SLC25A21: variants seen among roughly 807,000 people sequenced by gnomAD.
SLC25A21 encodes solute carrier family 25 member 21, also known as mitochondrial 2-oxodicarboxylate carrier.
SLC25A21 carries 47 observed loss-of-function variants against 43.8 expected under a neutral mutation model. The observed-to-expected ratio is 1.07, with a 90% confidence interval of 0.85 to 1.37. SLC25A21 has a LOEUF of 1.37. Among genes scored for constraint, SLC25A21 ranks in the 40% most tolerant of loss-of-function variants. SLC25A21 has a pLI of 0.00. For synonymous variants in SLC25A21, 131 were observed against 121.3 expected (o/e 1.08, Z -0.52); for missense variants, 352 against 350.2 (o/e 1.00, Z -0.04).
intron 1 of SLC25A21, among the ~76,000 whole-genome samples, chr14:36,902,392 A>T (rs73252902): frequency 0.015 from 2,312 of 152,114 alleles, 65 homozygotes; most frequent in African/African-American, 0.052. Context: ...TCTGGTGGCT[A>T]GTGTCTCAAC....
chr14:37,100,194 T>C lies in SLC25A21; in HGVS notation c.70+72087A>G, dbSNP rs1962790321. On this transcript the variant is annotated intron_variant, in intron 1 of 9. Transcript: ENST00000331299. ...CAGCCTCAGCCTCCTGAGTAGCTGG[T>C]ACTACAGGCATGCACCATCACACCC... 3.3e-5 allele frequency among the ~76,000 whole-genome samples: 5 copies of C among 152,018 alleles called. 1 individual carries two copies. The South Asian group carries it at 1.0e-3, about 32-fold the overall frequency.
intron 1 of SLC25A21, 134 bp downstream of exon 1, chr14:37,172,147 G>A (rs1341128336): frequency 1.1e-6 from 1 of 923,584 alleles, no homozygotes; most frequent in Non-Finnish European, 1.6e-6. Context: ...AGGGGCTCAA[G>A]CACTGCTCCG....
At chr14:36,784,517 A>C (rs848112) in intron 3 of SLC25A21, among the ~76,000 whole-genome samples, 68,042 of 151,974 alleles carry the variant, frequency 0.45, 15,620 homozygotes, top group African/African-American at 0.54. Flanking sequence ...TAAGGCTAAC[A>C]ATAATCTCTC....
chr14:37,136,759 T>C (rs541789988), intron 1 of SLC25A21, among the ~76,000 whole-genome samples: 21 of 152,186 alleles, frequency 1.4e-4, no homozygotes, highest in African/African-American at 5.1e-4. Context: ...CAAAAAGACA[T>C]GGGAAACCAT....
intron 1 of SLC25A21, among the ~76,000 whole-genome samples, chr14:36,918,340 C>T (rs1891887646): frequency 6.6e-6 from 1 of 152,154 alleles, no homozygotes; most frequent in African/African-American, 2.4e-5. Context: ...TGATCAAGGG[C>T]TGGTGTATGG....
In SLC25A21 at chr14:36,731,338, T is replaced by G. The variant is rs11846976; in HGVS notation, c.271-1772A>C. On this transcript the variant is annotated intron_variant, in intron 4 of 9. Coordinates refer to ENST00000331299, the MANE Select transcript of SLC25A21 (RefSeq NM_030631.4). The stretch of plus-strand genomic sequence containing the variant: ...TTTGACAGTCACCTTGCTGGCATTT[T>G]GAAATGAGCAGTCCTAGAGCTGAAT... Among the ~76,000 whole-genome samples the G allele has an allele frequency of 8.9e-3, 1,363 of 152,314 alleles. 18 individuals are homozygous for G. The highest frequency in any genetic ancestry group is 0.031 in the African/African-American group (1,283 of 41,572).
intron 1 of SLC25A21, among the ~76,000 whole-genome samples, chr14:36,938,502 G>A (rs548093120): frequency 2.0e-5 from 3 of 152,132 alleles, no homozygotes; most frequent in South Asian, 2.1e-4. Flanking sequence ...TCTGTGTTAC[G>A]GCCTTCTAAG....
At chr14:37,063,915 C>G (rs1465080072) in intron 1 of SLC25A21, among the ~76,000 whole-genome samples, 3 of 152,196 alleles carry the variant, frequency 2.0e-5, no homozygotes, top group African/African-American at 7.2e-5. Flanking sequence ...ACCACCACCC[C>G]TTGTGCCATT....
chr14:36,785,191 G>A (rs1003669027), intron 3 of SLC25A21, among the ~76,000 whole-genome samples: 2 of 152,126 alleles, frequency 1.3e-5, no homozygotes, highest in Admixed American at 1.3e-4. Context: ...TTTCTCTCTG[G>A]CACACAGGTG....
intron 6 of SLC25A21, among the ~76,000 whole-genome samples, chr14:36,720,380 T>G (rs1884326088): frequency 6.6e-6 from 1 of 152,190 alleles, no homozygotes. Context: ...ATATGCTGTG[T>G]AGGACACCAT....
intron 1 of SLC25A21, among the ~76,000 whole-genome samples, chr14:37,054,325 G>A (rs1961773256): frequency 6.6e-6 from 1 of 152,156 alleles, no homozygotes; most frequent in Non-Finnish European, 1.5e-5. Flanking sequence ...CACAGTCAAT[G>A]CCATATGAAG....
intron 6 of SLC25A21, among the ~76,000 whole-genome samples, chr14:36,718,367 G>A (rs1028848109): frequency 4.6e-5 from 7 of 152,144 alleles, no homozygotes; most frequent in African/African-American, 1.4e-4. Context: ...CTGAATTGTT[G>A]CCAGACAGTG....
At chr14:36,846,152 T>A (rs564996231) in intron 2 of SLC25A21, among the ~76,000 whole-genome samples, 2 of 152,318 alleles carry the variant, frequency 1.3e-5, no homozygotes, top group African/African-American at 4.8e-5. Flanking sequence ...TAGTGAACTT[T>A]CTAGAAGGAA....
intron 1 of SLC25A21, among the ~76,000 whole-genome samples, chr14:36,984,832 G>A (rs966361786): frequency 3.3e-5 from 5 of 152,054 alleles, no homozygotes; most frequent in South Asian, 4.1e-4. Context: ...CTGGGTATAT[G>A]CCCAAAGGAC....
At chr14:36,885,015 G>A (rs115127126) in intron 1 of SLC25A21, among the ~76,000 whole-genome samples, 3,142 of 152,116 alleles carry the variant, frequency 0.021, 110 homozygotes, top group African/African-American at 0.071. Context: ...TGCTGCCTGC[G>A]CTTTTGGGGA....
intron 1 of SLC25A21, among the ~76,000 whole-genome samples, chr14:37,037,442 C>T (rs74045265): frequency 2.6e-5 from 4 of 152,026 alleles, no homozygotes; most frequent in Non-Finnish European, 2.9e-5. Context: ...ATCCTCTACA[C>T]GAGAAAAGCT....
At chr14:36,718,401 A>G (rs940829121) in intron 6 of SLC25A21, among the ~76,000 whole-genome samples, 1 of 152,234 alleles carries the variant, frequency 6.6e-6, no homozygotes. Context: ...TGCAGGAAAA[A>G]TTTGAACTTA....
chr14:36,987,523 A>G (rs1358275347), intron 1 of SLC25A21, among the ~76,000 whole-genome samples: 1 of 152,210 alleles, frequency 6.6e-6, no homozygotes, highest in Non-Finnish European at 1.5e-5. Context: ...GTTTATTTTC[A>G]TAGCTGAGAT....
intron 1 of SLC25A21, among the ~76,000 whole-genome samples, chr14:37,004,112 T>C (rs1467093333): frequency 6.6e-6 from 1 of 152,194 alleles, no homozygotes; most frequent in East Asian, 1.9e-4. Flanking sequence ...TTTCTTTGAC[T>C]ATGATTAGCT....
Sources: gnomAD v4.1 joint callset for allele counts (sites outside exome capture counted in the v4.1 genomes callset) on GRCh38, gnomAD v4.1.1 for gene constraint, MANE v1.5 for transcripts, NCBI Gene and HGNC (gene_info 2026-07-23, HGNC 2026-07-21) for gene names.